Variants in TBC1D5 observed in about 807,000 individuals in gnomAD.
TBC1D5 encodes the protein TBC1 domain family member 5.
Under a neutral mutation model 100.3 loss-of-function variants are expected in TBC1D5, and 75 were observed. The ratio of observed to expected loss-of-function variants is 0.75; its 90% confidence interval spans 0.62 to 0.91. TBC1D5 has a LOEUF of 0.91. Ranked by LOEUF, TBC1D5 falls within the 40% of genes least tolerant of loss-of-function variation. The probability of loss-of-function intolerance (pLI) is 0.00; values close to 1 mark genes in which losing one functional copy is unlikely to be tolerated. For missense variants in TBC1D5, 910 were observed against 942.4 expected (o/e 0.97, Z 0.45); for synonymous variants, 323 against 325.6 (o/e 0.99, Z 0.09).
At chr3:17,482,757 T>C (rs2095515856) in intron 3 of TBC1D5, among the ~76,000 whole-genome samples, 1 of 152,218 alleles carries the variant, frequency 6.6e-6, no homozygotes, top group African/African-American at 2.4e-5. Flanking sequence ...TGGCTATTTT[T>C]TCATTACTAG....
At chr3:17,273,354 C>G (rs895760958) in intron 15 of TBC1D5, among the ~76,000 whole-genome samples, 1 of 152,146 alleles carries the variant, frequency 6.6e-6, no homozygotes, top group Non-Finnish European at 1.5e-5. Context: ...TCCTGGACCA[C>G]TTACATTCTC....
chr3:17,710,912 T>A (rs1319857402), intron 1 of TBC1D5, among the ~76,000 whole-genome samples: 1 of 152,120 alleles, frequency 6.6e-6, no homozygotes, highest in Non-Finnish European at 1.5e-5. Flanking sequence ...TGAGTTAGGC[T>A]GGTCTCAAAC....
chr3:17,214,434 C>G, intron 17 of TBC1D5, 64 bp from the exon 19 acceptor site: 1 of 1,513,490 alleles, frequency 6.6e-7, no homozygotes, highest in Non-Finnish European at 9.0e-7. Context: ...ATTCGATCTA[C>G]TGTTTTTAAT....
chr3:17,391,267 C>T (rs1352267323), intron 8 of TBC1D5, among the ~76,000 whole-genome samples: 2 of 152,044 alleles, frequency 1.3e-5, no homozygotes, highest in Non-Finnish European at 2.9e-5. Flanking sequence ...AAGAAAGTAT[C>T]TTCTGAAGGA....
chr3:17,157,754 A>G (rs2065714698), exon 22 of TBC1D5: 1 of 152,282 alleles, frequency 6.6e-6, no homozygotes, highest in Non-Finnish European at 1.5e-5. Context: ...ACTCTGACTC[A>G]CAGGTTATTC....
At chr3:17,599,830 G>T (rs1248861150) in intron 2 of TBC1D5, among the ~76,000 whole-genome samples, 1 of 152,128 alleles carries the variant, frequency 6.6e-6, no homozygotes. Context: ...GTCCTGCCTA[G>T]GGGTCAAGGG....
chr3:17,288,638 C>T (rs902269485), intron 15 of TBC1D5, among the ~76,000 whole-genome samples: 5 of 152,152 alleles, frequency 3.3e-5, no homozygotes, highest in Admixed American at 1.3e-4. Flanking sequence ...ATAAAAGCTC[C>T]GGACCTAGCC....
chr3:17,326,340 T>C (rs890679782), intron 13 of TBC1D5, among the ~76,000 whole-genome samples: 4 of 152,262 alleles, frequency 2.6e-5, no homozygotes, highest in Admixed American at 2.6e-4. Flanking sequence ...TTAGTTACTA[T>C]TCACAGTCCT....
chr3:17,645,388 T>C (rs1375483923), intron 1 of TBC1D5, among the ~76,000 whole-genome samples: 1 of 152,104 alleles, frequency 6.6e-6, no homozygotes, highest in East Asian at 1.9e-4. Flanking sequence ...TACTGTATAA[T>C]TATACTTGAA....
chr3:17,406,645 T>C, intron 4 of TBC1D5, 119 bp from the exon 5 acceptor site: 2 of 788,322 alleles, frequency 2.5e-6, no homozygotes, highest in South Asian at 1.8e-5. Flanking sequence ...AAAACATATA[T>C]ATTTAGTTGT....
At chr3:17,703,906 T>TGG (rs879397218) in intron 1 of TBC1D5, among the ~76,000 whole-genome samples, 74,488 of 149,834 alleles carry the variant, frequency 0.5, 20,147 homozygotes, top group East Asian at 0.94. Context: ...TATTTGTGTT[T>TGG]TTTTTTTGTT....
chr3:17,231,471 A>G (rs2075410989), intron 17 of TBC1D5, among the ~76,000 whole-genome samples: 1 of 152,168 alleles, frequency 6.6e-6, no homozygotes, highest in Admixed American at 6.5e-5. Context: ...GTTAAAAGTC[A>G]AAGATACAGA....
At chr3:17,461,753 T>C (rs2095215444) in intron 3 of TBC1D5, among the ~76,000 whole-genome samples, 3 of 152,284 alleles carry the variant, frequency 2.0e-5, no homozygotes, top group Admixed American at 1.3e-4. Flanking sequence ...TCTCCCATCT[T>C]CTCTAACCCA....
At chr3:17,184,388 A>C (rs1216699449) in intron 19 of TBC1D5, among the ~76,000 whole-genome samples, 1 of 152,260 alleles carries the variant, frequency 6.6e-6, no homozygotes, top group East Asian at 1.9e-4. Context: ...GATTACTGAC[A>C]GGTTGGCACA....
intron 1 of TBC1D5, among the ~76,000 whole-genome samples, chr3:17,698,786 T>G (rs1162324003): frequency 6.8e-6 from 1 of 147,314 alleles, no homozygotes. Context: ...AAAAGACACA[T>G]GAAAAAATGC....
intron 5 of TBC1D5, 23 bp from the exon 6 acceptor site, chr3:17,404,984 C>A: frequency 6.7e-7 from 1 of 1,485,076 alleles, no homozygotes; most frequent in South Asian, 1.2e-5. Context: ...ACAGAAGAAA[C>A]TTTTGTAAAA....
intron 8 of TBC1D5, among the ~76,000 whole-genome samples, chr3:17,399,053 G>A (rs2093581670): frequency 6.6e-6 from 1 of 152,132 alleles, no homozygotes; most frequent in African/African-American, 2.4e-5. Context: ...GCAGAGGGAA[G>A]CAGCATTCCA....
At position 17,464,597 on chromosome 3, in the gene TBC1D5, C is replaced by T. The variant is rs559916662; in HGVS notation, c.98-36078G>A. 1.1e-4 allele frequency among the ~76,000 whole-genome samples: 16 copies of T among 152,224 alleles called. No homozygotes were observed. The East Asian group carries it at 1.9e-3, about 18-fold the overall frequency. On this transcript the variant is annotated intron_variant, in intron 3 of 21. Coordinates refer to ENST00000253692, the Ensembl canonical transcript of TBC1D5. ...TTCCTAAAACTAGAGCAGTCTCTAA[C>T]CTTATTTAACTTACTTTACTACTGC...
chr3:17,426,695 C>A (rs1420776381), intron 4 of TBC1D5, among the ~76,000 whole-genome samples: 1 of 151,902 alleles, frequency 6.6e-6, no homozygotes, highest in Non-Finnish European at 1.5e-5. Context: ...TCATTTAATA[C>A]TAAGATACTT....
Sources: allele counts gnomAD v4.1 joint callset (sites outside exome capture counted in the v4.1 genomes callset), GRCh38; gene constraint gnomAD v4.1.1; transcripts MANE v1.5; gene names NCBI Gene and HGNC (gene_info 2026-07-23, HGNC 2026-07-21).